RABGAP1: variants seen among roughly 807,000 people sequenced by gnomAD.
The protein encoded by RABGAP1 is rab GTPase-activating protein 1.
In RABGAP1, 23 loss-of-function variants were observed where a neutral mutation model predicts 137.6. The ratio of observed to expected loss-of-function variants is 0.17; its 90% CI spans 0.12 to 0.24. The LOEUF is 0.24. Among genes scored for constraint, RABGAP1 ranks in the 10% least tolerant of loss-of-function variants. The pLI, the probability that RABGAP1 is intolerant of heterozygous loss-of-function variation, is 1.00. For synonymous variants in RABGAP1, 451 were observed against 450.7 expected, an observed-to-expected ratio of 1.00 and a Z score of -0.01; for missense variants, 906 against 1,275.8, an observed-to-expected ratio of 0.71 and a Z score of 4.42.
chr9:122,936,791 T>C (rs1833393986), upstream of RABGAP1, among the ~76,000 whole-genome samples: 1 of 152,178 alleles, frequency 6.6e-6, no homozygotes, highest in African/African-American at 2.4e-5. Context: ...ATGAGTCAGA[T>C]ATTGAAGGAT....
At chr9:123,015,438 T>A (rs1328440565) in intron 11 of RABGAP1, 105 bp from the exon 12 acceptor site, 4 of 641,790 alleles carry the variant, frequency 6.2e-6, no homozygotes, top group African/African-American at 5.6e-5. Flanking sequence ...ATTATGACTT[T>A]ATGCTCCCAG....
intron 1 of RABGAP1, among the ~76,000 whole-genome samples, chr9:122,950,981 C>G (rs947696304): frequency 1.3e-5 from 2 of 152,042 alleles, no homozygotes; most frequent in African/African-American, 4.8e-5. Flanking sequence ...TTTACTTCAG[C>G]AGGTGGAAGT....
chr9:123,020,003 T>C (rs896827278), intron 12 of RABGAP1, among the ~76,000 whole-genome samples: 2 of 151,648 alleles, frequency 1.3e-5, no homozygotes, highest in African/African-American at 4.8e-5. Flanking sequence ...ATATAAACCA[T>C]AGCCATAGAG....
intron 19 of RABGAP1, among the ~76,000 whole-genome samples, chr9:123,077,902 TAGAG>T (rs1273200448): frequency 6.6e-6 from 1 of 152,102 alleles, no homozygotes; most frequent in Non-Finnish European, 1.5e-5. Flanking sequence ...TTTTAACACA[TAGAG>T]AGGCTAAATA....
intron 13 of RABGAP1, among the ~76,000 whole-genome samples, chr9:123,045,118 A>G (rs2132036904): frequency 6.6e-6 from 1 of 152,344 alleles, no homozygotes; most frequent in South Asian, 2.1e-4. Flanking sequence ...AAGTAATCAT[A>G]TTTTCAAAGT....
intron 1 of RABGAP1, among the ~76,000 whole-genome samples, chr9:122,952,603 G>A (rs958002974): frequency 4.9e-4 from 75 of 152,086 alleles, no homozygotes; most frequent in African/African-American, 1.7e-3. Context: ...GGGCATGGTG[G>A]CACACACTTG....
chr9:123,045,233 A>T (rs1434249624), intron 13 of RABGAP1, among the ~76,000 whole-genome samples: 1 of 152,216 alleles, frequency 6.6e-6, no homozygotes, highest in Non-Finnish European at 1.5e-5. Context: ...TTTAAATAGC[A>T]TTATTTATTT....
chr9:122,997,894 TC>T (rs1381839805), intron 9 of RABGAP1, among the ~76,000 whole-genome samples: 3 of 152,152 alleles, frequency 2.0e-5, no homozygotes, highest in African/African-American at 4.8e-5. Flanking sequence ...TGAGCATTTT[TC>T]CCCCCTTCAG....
chr9:123,057,450 C>T (rs1160733319), intron 13 of RABGAP1, among the ~76,000 whole-genome samples: 1 of 146,184 alleles, frequency 6.8e-6, no homozygotes, highest in Admixed American at 6.8e-5. Context: ...ACATCTCAGA[C>T]GATGGGCGGC....
intron 19 of RABGAP1, among the ~76,000 whole-genome samples, chr9:123,084,773 A>G (rs1371836773): frequency 6.6e-6 from 1 of 152,138 alleles, no homozygotes; most frequent in Non-Finnish European, 1.5e-5. Context: ...CTTTATATAT[A>G]TTTGATGTTT....
At chr9:122,996,735 C>A (rs1426500053) in intron 8 of RABGAP1, 130 bp downstream of exon 8, 3 of 770,318 alleles carry the variant, frequency 3.9e-6, no homozygotes, top group Non-Finnish European at 6.1e-6. Flanking sequence ...AGACAACATG[C>A]AAAGGTAAGA....
In RABGAP1 at chr9:122,989,074, C is replaced by T. The variant is rs146418477; in HGVS notation, c.591-223C>T. Among the ~76,000 whole-genome samples the T allele has an allele frequency of 1.5e-3, 221 of 148,384 alleles. 1 individual carries two copies. The highest frequency in any genetic ancestry group is 2.4e-3 in the Non-Finnish European group (154 of 65,474). The stretch of plus-strand genomic sequence containing the variant: ...GATATTGTTTATACCTTTCTGTTTG[C>T]CTCCCTAAAACATGATACTATATGG... On this transcript the variant is annotated intron_variant, in intron 4 of 25. Coordinates refer to ENST00000373647, the MANE Select transcript of RABGAP1 (RefSeq NM_012197.4).
chr9:122,957,277 C>T, intron 2 of RABGAP1, 68 bp downstream of exon 2: 1 of 1,250,592 alleles, frequency 8.0e-7, no homozygotes, highest in Non-Finnish European at 1.1e-6. Context: ...TTGGCCTTAA[C>T]AGAAAACAGA....
Position 123,065,479 on chromosome 9 carries a change from A to C in RABGAP1, c.1908+18A>C. On this transcript the variant is annotated intron_variant, in intron 14 of 25. Coordinates refer to ENST00000373647, the MANE Select transcript of RABGAP1 (RefSeq NM_012197.4). The stretch of plus-strand genomic sequence containing the variant: ...TATGCAAGGTATTTCATGTCAAAAA[A>C]AAAAAGGACTCAATTCTGAGTGGTG... 1 of 1,524,674 alleles carries C rather than the reference A, an allele frequency of 6.6e-7. No homozygotes were observed. The highest frequency in any genetic ancestry group is 9.1e-7 in the Non-Finnish European group (1 of 1,098,796). The allele number at this position is 1,524,674 out of a possible 1,614,324, so 94.4% of individuals were successfully genotyped here. A position where few individuals can be genotyped will look rare whatever the true frequency, so the allele number is the denominator to read the frequency against.
chr9:122,977,435 G>T (rs1409480547), intron 2 of RABGAP1, among the ~76,000 whole-genome samples: 1 of 152,202 alleles, frequency 6.6e-6, no homozygotes, highest in Non-Finnish European at 1.5e-5. Flanking sequence ...GCTGGGTTCG[G>T]TGGCTCATGC....
chr9:122,936,192 C>A (rs776591896), upstream of RABGAP1, among the ~76,000 whole-genome samples: 3 of 152,030 alleles, frequency 2.0e-5, no homozygotes, highest in Non-Finnish European at 4.4e-5. Context: ...AGAGTTTTGA[C>A]CATGATTTCT....
intron 13 of RABGAP1, chr9:123,035,582 G>A (rs765006047): frequency 6.2e-7 from 1 of 1,603,724 alleles, no homozygotes; most frequent in Non-Finnish European, 8.5e-7. Context: ...TACACAGTTA[G>A]AAGCAAAGGC....
chr9:122,949,435 A>G (rs1444520609), intron 1 of RABGAP1, among the ~76,000 whole-genome samples: 1 of 152,056 alleles, frequency 6.6e-6, no homozygotes, highest in Non-Finnish European at 1.5e-5. Flanking sequence ...AATCGCTTGA[A>G]CCTGGGAGGC....
intron 2 of RABGAP1, among the ~76,000 whole-genome samples, chr9:122,983,686 C>T (rs1421784771): frequency 6.6e-6 from 1 of 152,068 alleles, no homozygotes; most frequent in Admixed American, 6.5e-5. Flanking sequence ...CCTCTTTTTT[C>T]CCATGACTTC....
Sources: gnomAD v4.1 joint callset for allele counts (sites outside exome capture counted in the v4.1 genomes callset) on GRCh38, gnomAD v4.1.1 for gene constraint, MANE v1.5 for transcripts, NCBI Gene and HGNC (gene_info 2026-07-23, HGNC 2026-07-21) for gene names.